Variants in ZNF385B observed in about 807,000 individuals in gnomAD.
ZNF385B encodes the protein zinc finger protein 385B.
Under a neutral mutation model 39.2 loss-of-function variants are expected in ZNF385B, and 23 were observed. That is an observed-to-expected ratio of 0.59 (90% CI 0.42 to 0.83). ZNF385B has a LOEUF of 0.83. ZNF385B is among the 40% of genes least tolerant of loss of function. ZNF385B has a pLI of 0.00. For missense variants in ZNF385B, 552 were observed against 598.9 expected (o/e 0.92, Z 0.82); for synonymous variants, 205 against 222.6 (o/e 0.92, Z 0.70).
At chr2:179,456,481 C>T (rs1163866872) in intron 6 of ZNF385B, among the ~76,000 whole-genome samples, 3 of 152,070 alleles carry the variant, frequency 2.0e-5, no homozygotes, top group Admixed American at 6.5e-5. Flanking sequence ...TGCTTTGTAC[C>T]TCAACGTAAT....
intron 3 of ZNF385B, among the ~76,000 whole-genome samples, chr2:179,691,568 T>A (rs1352913478): frequency 6.6e-6 from 1 of 152,164 alleles, no homozygotes; most frequent in African/African-American, 2.4e-5. Context: ...GTATCCTAAA[T>A]ACAAGGTGAA....
In ZNF385B at chr2:179,527,542, A is replaced by G. The variant is rs182023872; in HGVS notation, c.442-8904T>C. On this transcript the variant is annotated intron_variant, in intron 4 of 9. Coordinates refer to ENST00000410066, the MANE Select transcript of ZNF385B (RefSeq NM_152520.6). Reference sequence around the variant, plus strand: ...ATTTTCTGGTCATTTTTTTTTTTGGAGAAATTTCATCTTCATTTTATTTTG... The same window carrying G: ...ATTTTCTGGTCATTTTTTTTTTTGGGGAAATTTCATCTTCATTTTATTTTG... 4.4e-3 allele frequency among the ~76,000 whole-genome samples: 645 copies of G among 146,232 alleles called. 5 individuals are homozygous for G. Among genetic ancestry groups the G allele is most frequent in the African/African-American group, 0.015 (605 of 40,384 alleles).
At chr2:179,676,175 A>C (rs911957619) in intron 3 of ZNF385B, among the ~76,000 whole-genome samples, 6 of 125,864 alleles carry the variant, frequency 4.8e-5, no homozygotes, top group African/African-American at 3.0e-5. Flanking sequence ...TGCAAGCTCT[A>C]CCTCCCGGGT....
At chr2:179,521,476 C>A (rs10195725) in intron 4 of ZNF385B, among the ~76,000 whole-genome samples, 113,102 of 151,002 alleles carry the variant, frequency 0.75, 42,726 homozygotes, top group East Asian at 0.91. Context: ...CTGGGATTAC[C>A]GGTGTGAGCC....
chr2:179,789,620 T>A (rs1705207872), intron 1 of ZNF385B, among the ~76,000 whole-genome samples: 2 of 152,182 alleles, frequency 1.3e-5, no homozygotes, highest in Admixed American at 1.3e-4. Flanking sequence ...CAAGAAAAAT[T>A]GAGAGGACTG....
At chr2:179,785,649 A>G (rs1176044478) in intron 1 of ZNF385B, among the ~76,000 whole-genome samples, 2 of 152,174 alleles carry the variant, frequency 1.3e-5, no homozygotes. Context: ...TGACGGAAAT[A>G]GCAAGAGAAG....
At chr2:179,767,405 T>A (rs1703765470) in intron 3 of ZNF385B, among the ~76,000 whole-genome samples, 4 of 152,206 alleles carry the variant, frequency 2.6e-5, no homozygotes, top group Admixed American at 2.6e-4. Flanking sequence ...GAAGCTCATG[T>A]GCCCAGCCCT....
chr2:179,639,840 T>C (rs1476725050), intron 3 of ZNF385B, among the ~76,000 whole-genome samples: 1 of 152,196 alleles, frequency 6.6e-6, no homozygotes, highest in East Asian at 1.9e-4. Flanking sequence ...TTTGAATTTT[T>C]AAAAAGTTTC....
At chr2:179,840,602 A>G (rs1190845501) in intron 1 of ZNF385B, among the ~76,000 whole-genome samples, 1 of 152,196 alleles carries the variant, frequency 6.6e-6, no homozygotes, top group Non-Finnish European at 1.5e-5. Flanking sequence ...GGTGCCTAAT[A>G]TTTTGTGATA....
intron 3 of ZNF385B, among the ~76,000 whole-genome samples, chr2:179,639,130 G>C (rs1403845202): frequency 6.7e-6 from 1 of 149,992 alleles, no homozygotes; most frequent in Non-Finnish European, 1.5e-5. Context: ...GCTGAGGTGG[G>C]AGGATCACCT....
chr2:179,540,185 C>CT (rs367877613), intron 4 of ZNF385B, among the ~76,000 whole-genome samples: 13 of 152,124 alleles, frequency 8.5e-5, no homozygotes, highest in African/African-American at 2.9e-4. Flanking sequence ...GTGGCTCACT[C>CT]TTGTAATCCC....
At chr2:179,601,463 C>T (rs1231079056) in intron 3 of ZNF385B, among the ~76,000 whole-genome samples, 1 of 152,046 alleles carries the variant, frequency 6.6e-6, no homozygotes, top group Non-Finnish European at 1.5e-5. Context: ...ATAATAGCAA[C>T]TACACTATAA....
chr2:179,499,332 T>C (rs527473956), intron 5 of ZNF385B, among the ~76,000 whole-genome samples: 22 of 151,528 alleles, frequency 1.5e-4, no homozygotes, highest in South Asian at 2.1e-4. Flanking sequence ...GTATTACACA[T>C]TACAAAGACA....
intron 3 of ZNF385B, among the ~76,000 whole-genome samples, chr2:179,663,979 A>G (rs1694829961): frequency 6.6e-6 from 1 of 152,062 alleles, no homozygotes. Context: ...GCAGAATTAA[A>G]CTAAAGTTTT....
At chr2:179,509,676 G>A (rs189378013) in intron 5 of ZNF385B, among the ~76,000 whole-genome samples, 2 of 152,036 alleles carry the variant, frequency 1.3e-5, no homozygotes, top group African/African-American at 4.8e-5. Context: ...ACAAAAGCAG[G>A]TTATCATTTT....
chr2:179,581,983 C>T (rs1686581688), intron 3 of ZNF385B, among the ~76,000 whole-genome samples: 1 of 152,118 alleles, frequency 6.6e-6, no homozygotes, highest in Admixed American at 6.6e-5. Flanking sequence ...TTATTGTGCT[C>T]TTGTTATAGT....
intron 6 of ZNF385B, among the ~76,000 whole-genome samples, chr2:179,459,645 G>A (rs2051092162): frequency 6.6e-6 from 1 of 150,492 alleles, no homozygotes; most frequent in Non-Finnish European, 1.5e-5. Context: ...ATATACAAAT[G>A]TATTTTAATT....
At chr2:179,783,114 G>A (rs558065451) in intron 1 of ZNF385B, among the ~76,000 whole-genome samples, 38 of 152,188 alleles carry the variant, frequency 2.5e-4, no homozygotes, top group African/African-American at 8.4e-4. Flanking sequence ...AAATAGCATA[G>A]GACTGGTACA....
intron 3 of ZNF385B, among the ~76,000 whole-genome samples, chr2:179,679,709 T>A (rs1327810117): frequency 6.6e-6 from 1 of 152,154 alleles, no homozygotes; most frequent in African/African-American, 2.4e-5. Context: ...GCGGGGTCAC[T>A]AAGTCAGGTG....
Sources: allele counts gnomAD v4.1 joint callset (sites outside exome capture counted in the v4.1 genomes callset), GRCh38; gene constraint gnomAD v4.1.1; transcripts MANE v1.5; gene names NCBI Gene and HGNC (gene_info 2026-07-23, HGNC 2026-07-21).